Variants in DEK observed in about 807,000 individuals in gnomAD.
DEK encodes DEK proto-oncogene.
A neutral mutation model predicts 46.8 loss-of-function variants in DEK; 28 were observed. That is an observed-to-expected ratio of 0.60 (90% CI 0.44 to 0.82). The LOEUF (loss-of-function observed/expected upper bound fraction) is 0.82. Ranked by LOEUF, DEK falls within the 40% of genes least tolerant of loss-of-function variation. The pLI, the probability that DEK is intolerant of heterozygous loss-of-function variation, is 0.00. For synonymous variants in DEK, 160 were observed against 144.5 expected, an observed-to-expected ratio of 1.11 and a Z score of -0.77; for missense variants, 416 against 430.6, an observed-to-expected ratio of 0.97 and a Z score of 0.30.
intron 9 of DEK, among the ~76,000 whole-genome samples, chr6:18,231,593 C>T (rs1053356383): frequency 1.8e-4 from 27 of 152,210 alleles, no homozygotes; most frequent in Non-Finnish European, 3.2e-4. Context: ...AACACCTCTA[C>T]GCAAATAAAC....
chr6:18,239,380 C>T (rs1488845944), intron 7 of DEK, among the ~76,000 whole-genome samples: 1 of 123,246 alleles, frequency 8.1e-6, no homozygotes, highest in African/African-American at 3.2e-5. Flanking sequence ...GAGATGGTCT[C>T]GCTATGTTAC....
intron 9 of DEK, among the ~76,000 whole-genome samples, chr6:18,229,698 A>C (rs1790320003): frequency 6.6e-6 from 1 of 152,204 alleles, no homozygotes; most frequent in Non-Finnish European, 1.5e-5. Flanking sequence ...AAAAGAAACA[A>C]ACAAAGCCTC....
chr6:18,256,199 C>T (rs1266928579), intron 5 of DEK, among the ~76,000 whole-genome samples, 162 bp downstream of exon 5: 1 of 151,978 alleles, frequency 6.6e-6, no homozygotes, highest in African/African-American at 2.4e-5. Context: ...GTTGGTCAGG[C>T]TGGTCTCAAA....
At chr6:18,235,243 C>G (rs1790597509) in intron 9 of DEK, among the ~76,000 whole-genome samples, 1 of 152,190 alleles carries the variant, frequency 6.6e-6, no homozygotes, top group African/African-American at 2.4e-5. Flanking sequence ...TCATTTATTT[C>G]AGGAAGAAAC....
intron 2 of DEK, among the ~76,000 whole-genome samples, chr6:18,259,418 A>AT (rs1280557787): frequency 6.5e-5 from 9 of 138,418 alleles, no homozygotes; most frequent in South Asian, 2.4e-4. Context: ...AAAAAAAAAA[A>AT]AAAAAAAAAA....
intron 6 of DEK, among the ~76,000 whole-genome samples, chr6:18,252,801 G>A (rs777770758): frequency 1.3e-5 from 2 of 152,076 alleles, no homozygotes; most frequent in African/African-American, 4.8e-5. Context: ...AGCAAAGGTG[G>A]GTAAAATTGA....
intron 2 of DEK, among the ~76,000 whole-genome samples, chr6:18,261,658 T>C (rs113784843): frequency 3.3e-5 from 5 of 152,356 alleles, no homozygotes; most frequent in African/African-American, 1.2e-4. Flanking sequence ...CACCTTTCTT[T>C]TGGCCTTTCT....
At chr6:18,257,414 G>C (rs1255790378) in intron 4 of DEK, among the ~76,000 whole-genome samples, 1 of 152,180 alleles carries the variant, frequency 6.6e-6, no homozygotes, top group Admixed American at 6.6e-5. Context: ...AACTACTACA[G>C]GAGAAAGAGC....
intron 9 of DEK, among the ~76,000 whole-genome samples, chr6:18,232,837 G>C (rs1389544720): frequency 6.6e-6 from 1 of 152,098 alleles, no homozygotes; most frequent in South Asian, 2.1e-4. Flanking sequence ...TTTCTTCATA[G>C]AACTGGAAAA....
chr6:18,242,965 A>G (rs111677563), intron 7 of DEK, among the ~76,000 whole-genome samples: 5 of 152,264 alleles, frequency 3.3e-5, no homozygotes, highest in African/African-American at 1.2e-4. Flanking sequence ...GTGCTTAGTT[A>G]TGATGAAAAA....
At chr6:18,254,554 A>G (rs942100842) in intron 6 of DEK, among the ~76,000 whole-genome samples, 1 of 152,216 alleles carries the variant, frequency 6.6e-6, no homozygotes, top group Non-Finnish European at 1.5e-5. Flanking sequence ...AATACAGTGA[A>G]GATCAAAATA....
At chr6:18,231,464 G>C (rs1439498745) in intron 9 of DEK, among the ~76,000 whole-genome samples, 3 of 152,140 alleles carry the variant, frequency 2.0e-5, no homozygotes, top group Non-Finnish European at 2.9e-5. Flanking sequence ...AAAATTGATA[G>C]ACCGCTAGCA....
At chr6:18,254,067 A>G (rs76632522) in intron 6 of DEK, among the ~76,000 whole-genome samples, 1 of 151,990 alleles carries the variant, frequency 6.6e-6, no homozygotes, top group African/African-American at 2.4e-5. Context: ...ACGGTAGCTC[A>G]CGCCTGTAAT....
chr6:18,237,860 CTTT>C (rs60332682), intron 7 of DEK, among the ~76,000 whole-genome samples: 123 of 88,488 alleles, frequency 1.4e-3, no homozygotes, highest in African/African-American at 5.2e-3. Context: ...CAACTGGAAT[CTTT>C]TTTTTTTTTT....
intron 9 of DEK, among the ~76,000 whole-genome samples, chr6:18,233,498 C>A (rs1039923647): frequency 6.6e-6 from 1 of 152,032 alleles, no homozygotes; most frequent in Non-Finnish European, 1.5e-5. Context: ...CTTAAATTTA[C>A]AAGAAAAAAT....
chr6:18,237,884 T>G (rs1790731931), intron 7 of DEK, among the ~76,000 whole-genome samples: 1 of 137,260 alleles, frequency 7.3e-6, no homozygotes, highest in Admixed American at 7.3e-5. Context: ...TTTTTTTTTT[T>G]GAGACAGAGT....
intron 7 of DEK, among the ~76,000 whole-genome samples, chr6:18,247,016 T>C (rs1791149871): frequency 6.6e-6 from 1 of 152,242 alleles, no homozygotes; most frequent in African/African-American, 2.4e-5. Context: ...CTTTTCTTTA[T>C]GGCTTCTTAG....
chr6:18,262,812 A>G (rs1791937674), intron 2 of DEK, among the ~76,000 whole-genome samples: 3 of 152,374 alleles, frequency 2.0e-5, no homozygotes, highest in South Asian at 2.1e-4. Flanking sequence ...GTGAAAACTT[A>G]TATTTAAAAA....
intron 6 of DEK, among the ~76,000 whole-genome samples, chr6:18,254,973 T>C (rs1400365077): frequency 6.6e-6 from 1 of 152,152 alleles, no homozygotes; most frequent in Non-Finnish European, 1.5e-5. Flanking sequence ...ATTAATGCCA[T>C]CTCCCATCAG....
Sources: allele counts gnomAD v4.1 joint callset (sites outside exome capture counted in the v4.1 genomes callset), GRCh38; gene constraint gnomAD v4.1.1; transcripts MANE v1.5; gene names NCBI Gene and HGNC (gene_info 2026-07-23, HGNC 2026-07-21).